The following PARD3 variants were observed in gnomAD, a reference collection of about 807,000 sequenced individuals.
The protein encoded by PARD3 is par-3 family cell polarity regulator, also known as partitioning defective 3 homolog.
Under a neutral mutation model 155.4 loss-of-function variants are expected in PARD3, and 75 were observed. The ratio of observed to expected loss-of-function variants is 0.48; its 90% CI spans 0.40 to 0.58. The LOEUF is 0.58. Among genes scored for constraint, PARD3 ranks in the 20% least tolerant of loss-of-function variants. The pLI, the probability that PARD3 is intolerant of heterozygous loss-of-function variation, is 0.00. For synonymous variants in PARD3, 576 were observed against 610.5 expected, an observed-to-expected ratio of 0.94 and a Z score of 0.83; for missense variants, 1,642 against 1,721.7, an observed-to-expected ratio of 0.95 and a Z score of 0.82.
chr10:34,187,287 A>G (rs538667787), intron 22 of PARD3, among the ~76,000 whole-genome samples: 1 of 152,314 alleles, frequency 6.6e-6, no homozygotes, highest in Admixed American at 6.5e-5. Context: ...GTGCTATTGA[A>G]GTGGCTCCAC....
At chr10:34,789,437 C>T (rs1178035985) in intron 1 of PARD3, among the ~76,000 whole-genome samples, 1 of 152,132 alleles carries the variant, frequency 6.6e-6, no homozygotes, top group Non-Finnish European at 1.5e-5. Context: ...ATGACTCACA[C>T]CTGTAATCGA....
chr10:34,350,061 A>C (rs537509753), intron 14 of PARD3, among the ~76,000 whole-genome samples: 1 of 152,368 alleles, frequency 6.6e-6, no homozygotes, highest in Admixed American at 6.5e-5. Flanking sequence ...CTCAAAAGAC[A>C]GATTTAAATG....
rs1946312630 is a variant in PARD3, at chr10:34,109,590, G to C, written c.*1579C>G. On this transcript the variant is annotated 3_prime_UTR_variant, in exon 25 of 25. Coordinates refer to ENST00000374788, the MANE Select transcript of PARD3 (RefSeq NM_001184785.2). ...GGAAGAAATATGCCTTTTATTAGGA[G>C]TTGCATATGTACAGAGAAAGCTGTT... 6.6e-6 allele frequency: 1 copy of C among 152,048 alleles called. No homozygotes were observed. The highest frequency in any genetic ancestry group is 1.5e-5 in the Non-Finnish European group (1 of 68,024). The allele number at this position is 152,048 out of a possible 1,614,324, so 9.4% of individuals were successfully genotyped here.
At chr10:34,201,397 A>G (rs1951202364) in intron 22 of PARD3, among the ~76,000 whole-genome samples, 2 of 152,228 alleles carry the variant, frequency 1.3e-5, no homozygotes, top group African/African-American at 2.4e-5. Flanking sequence ...GCAGTATTTT[A>G]TAACAAACGC....
At chr10:34,469,346 A>G (rs1330356563) in intron 4 of PARD3, among the ~76,000 whole-genome samples, 1 of 152,186 alleles carries the variant, frequency 6.6e-6, no homozygotes, top group East Asian at 1.9e-4. Flanking sequence ...CCTGGCCAGG[A>G]GTTCCACCTG....
intron 2 of PARD3, among the ~76,000 whole-genome samples, chr10:34,587,702 GTC>G (rs1378870589): frequency 6.6e-6 from 1 of 152,146 alleles, no homozygotes; most frequent in East Asian, 1.9e-4. Context: ...CTTTAGCTAT[GTC>G]TCCTGCATGC....
At chr10:34,608,169 C>A (rs1465130953) in intron 2 of PARD3, among the ~76,000 whole-genome samples, 1 of 152,158 alleles carries the variant, frequency 6.6e-6, no homozygotes, top group African/African-American at 2.4e-5. Context: ...CTGCAGCCAT[C>A]AGAGCAGGGG....
In PARD3 at chr10:34,601,540, T is replaced by C. The variant is rs74668653; in HGVS notation, c.223-84381A>G. ...TTATTTATGCTTTAGTGAACATTATTTTTCACATGGAAGTTAATTCAGAAA... is the reference window on the plus strand; with the variant it reads ...TTATTTATGCTTTAGTGAACATTATCTTTCACATGGAAGTTAATTCAGAAA... On this transcript the variant is annotated intron_variant, in intron 2 of 24. Coordinates refer to ENST00000374788, the MANE Select transcript of PARD3 (RefSeq NM_001184785.2). Among the ~76,000 whole-genome samples, 848 of 152,320 alleles carry C rather than the reference T, an allele frequency of 5.6e-3. 28 individuals carry two copies. In the East Asian group the frequency reaches 0.089, roughly 16 times the overall value.
chr10:34,800,353 AAATCCCAGCAC>A (rs1328762801), intron 1 of PARD3, among the ~76,000 whole-genome samples: 12 of 152,058 alleles, frequency 7.9e-5, no homozygotes, highest in Admixed American at 7.2e-4. Context: ...TCAGGCCTGT[AAATCCCAGCAC>A]TTTGGGAGGT....
chr10:34,597,566 C>A (rs994522650), intron 2 of PARD3, among the ~76,000 whole-genome samples: 9 of 152,066 alleles, frequency 5.9e-5, no homozygotes, highest in African/African-American at 2.2e-4. Flanking sequence ...GTAGCTGGGA[C>A]CACAGGCGTA....
At chr10:34,127,749 C>G (rs147991049) in intron 23 of PARD3, among the ~76,000 whole-genome samples, 1 of 152,310 alleles carries the variant, frequency 6.6e-6, no homozygotes, top group Non-Finnish European at 1.5e-5. Context: ...TGTGTGTTAA[C>G]TATTTCCATA....
intron 20 of PARD3, among the ~76,000 whole-genome samples, chr10:34,297,619 A>G (rs1369186308): frequency 6.6e-6 from 1 of 152,116 alleles, no homozygotes; most frequent in Non-Finnish European, 1.5e-5. Flanking sequence ...ATTTTCCATC[A>G]TTTGTGGTCT....
At chr10:34,659,796 GT>G (rs2093276027) in intron 2 of PARD3, among the ~76,000 whole-genome samples, 1 of 152,132 alleles carries the variant, frequency 6.6e-6, no homozygotes, top group South Asian at 2.1e-4. Context: ...TGTAGTGCAA[GT>G]TAGGTACCTA....
At chr10:34,763,831 T>C (rs2134036459) in intron 1 of PARD3, among the ~76,000 whole-genome samples, 1 of 152,312 alleles carries the variant, frequency 6.6e-6, no homozygotes, top group East Asian at 1.9e-4. Flanking sequence ...GTATACTGGG[T>C]AGAAATATTC....
At chr10:34,363,227 G>C (rs765502897) in intron 12 of PARD3, among the ~76,000 whole-genome samples, 1 of 152,128 alleles carries the variant, frequency 6.6e-6, no homozygotes, top group African/African-American at 2.4e-5. Flanking sequence ...TAAGGAGCTG[G>C]CTGCATATAT....
rs1028977765 is a variant in PARD3 at position 34,111,520 on chromosome 10, C to G, written c.3711G>C (p.Trp1237Cys). 1.9e-6 allele frequency: 3 copies of G among 1,611,398 alleles called. No individual in the cohort carries two copies. Among genetic ancestry groups the G allele is most frequent in the Admixed American group, 3.3e-5 (2 of 59,908 alleles). The change falls in exon 25 of 25, where the codon TGG (tryptophan) becomes TGC (cysteine). Residue 1237 changes from tryptophan to cysteine, a missense_variant. Around this residue, in one of 3 missense-constraint regions of PARD3, gnomAD observed 1,529 missense variants for 1,587.3 expected, o/e 0.96. Coordinates refer to ENST00000374788, the MANE Select transcript of PARD3 (RefSeq NM_001184785.2). Reference sequence around the variant, plus strand: ...CTTCCCCAGGGGAGTAGTTCTGCTCCCAAGAGTCCTGGGAGACCGAGCTGG... The same window carrying G: ...CTTCCCCAGGGGAGTAGTTCTGCTCGCAAGAGTCCTGGGAGACCGAGCTGG... ...KNASSVSQDS[W>C]EQNYSPGEGF... is the part of the protein sequence containing the mutation.
chr10:34,120,650 C>T (rs1266462564), intron 23 of PARD3, among the ~76,000 whole-genome samples: 1 of 152,066 alleles, frequency 6.6e-6, no homozygotes, highest in East Asian at 1.9e-4. Flanking sequence ...TCCTGCAATC[C>T]ACAGATGGCA....
At chr10:34,169,212 A>G (rs546025072) in intron 22 of PARD3, among the ~76,000 whole-genome samples, 78 of 152,356 alleles carry the variant, frequency 5.1e-4, no homozygotes, top group African/African-American at 1.8e-3. Flanking sequence ...TGTGCTGTGC[A>G]TTGCAGGAAA....
At position 34,111,000 on chromosome 10, in the gene PARD3, A is replaced by C. The variant is rs1946356391; in HGVS notation, c.*169T>G. On this transcript the variant is annotated 3_prime_UTR_variant, in exon 25 of 25. Transcript: ENST00000374788. ...AAACAGACACTTGAGACATAGTGGC[A>C]AAGACATTAAGGCCTTCCATTTCTT... 1.6e-6 allele frequency: 1 copy of C among 616,700 alleles called. No homozygotes were observed. The highest frequency in any genetic ancestry group is 4.6e-4 in the Middle Eastern group (1 of 2,180). The allele number at this position is 616,700 out of a possible 1,614,324, so 38.2% of individuals were successfully genotyped here.
Sources: allele counts gnomAD v4.1 joint callset (sites outside exome capture counted in the v4.1 genomes callset), GRCh38; gene constraint gnomAD v4.1.1; regional missense constraint gnomAD v4.1.1; transcripts MANE v1.5; gene names NCBI Gene and HGNC (gene_info 2026-07-23, HGNC 2026-07-21).